RAD51B: variants seen among roughly 807,000 people sequenced by gnomAD.
RAD51B encodes the protein DNA repair protein RAD51 homolog 2.
RAD51B carries 38 observed loss-of-function variants against 42.2 expected under a neutral mutation model. The ratio of observed to expected loss-of-function variants is 0.90; its 90% CI spans 0.70 to 1.18. The LOEUF (loss-of-function observed/expected upper bound fraction) is 1.18, where lower values mean the gene tolerates loss of function less well. Ranked by LOEUF, RAD51B falls within the 50% of genes most tolerant of loss-of-function variation. The pLI is 0.00. For synonymous variants in RAD51B, 154 were observed against 145.2 expected (o/e 1.06, Z -0.43); for missense variants, 373 against 400.7 (o/e 0.93, Z 0.59).
intron 10 of RAD51B, among the ~76,000 whole-genome samples, chr14:68,503,484 C>A (rs1295217511): frequency 6.6e-6 from 1 of 151,266 alleles, no homozygotes; most frequent in Non-Finnish European, 1.5e-5. Flanking sequence ...GAGCGCCTAC[C>A]CACCACTCAC....
chr14:67,864,898 G>A (rs2042274359), intron 4 of RAD51B, 105 bp from the exon 5 acceptor site: 1 of 1,402,118 alleles, frequency 7.1e-7, no homozygotes, highest in South Asian at 1.4e-5. Context: ...TAGTTGGACT[G>A]CATATATGGC....
chr14:68,391,284 A>T (rs929219911), intron 8 of RAD51B, among the ~76,000 whole-genome samples: 1 of 151,538 alleles, frequency 6.6e-6, no homozygotes, highest in Non-Finnish European at 1.5e-5. Context: ...TTGTGTTGTC[A>T]CATATATATC....
chr14:68,623,091 T>C (rs1216099065), intron 10 of RAD51B, among the ~76,000 whole-genome samples: 1 of 152,178 alleles, frequency 6.6e-6, no homozygotes, highest in East Asian at 1.9e-4. Context: ...ACCTTCTTTT[T>C]CTCATAAGAG....
At position 67,868,087 on chromosome 14, in the gene RAD51B, A is replaced by G. The variant is rs2042384690; in HGVS notation, c.452+2948A>G. ...ATGTATTAAAGAGGGAGGAGCCAAG[A>G]TGGCCGAATAGGAACAGCTCTGGTC... On this transcript the variant is annotated intron_variant, in intron 5 of 10. Transcript: ENST00000471583. Among the ~76,000 whole-genome samples the G allele has an allele frequency of 2.6e-5, 4 of 152,226 alleles. No homozygotes were observed. The South Asian group carries it at 8.3e-4, about 31-fold the overall frequency.
At chr14:68,382,336 G>A (rs1247312197) in intron 8 of RAD51B, among the ~76,000 whole-genome samples, 1 of 152,196 alleles carries the variant, frequency 6.6e-6, no homozygotes, top group Non-Finnish European at 1.5e-5. Flanking sequence ...GAAAGGGAGA[G>A]AGAGGAAGAA....
At chr14:68,404,695 C>T (rs1332463275) in intron 8 of RAD51B, among the ~76,000 whole-genome samples, 1 of 152,158 alleles carries the variant, frequency 6.6e-6, no homozygotes, top group Non-Finnish European at 1.5e-5. Flanking sequence ...GGATCAGTTC[C>T]AGGCCACCTG....
At chr14:68,251,262 C>G (rs1049693175) in intron 7 of RAD51B, among the ~76,000 whole-genome samples, 4 of 152,126 alleles carry the variant, frequency 2.6e-5, no homozygotes, top group African/African-American at 9.7e-5. Flanking sequence ...TGGGCTCTGA[C>G]TCTTTGCAAG....
intron 7 of RAD51B, among the ~76,000 whole-genome samples, chr14:67,963,405 T>C: frequency 6.6e-6 from 1 of 152,154 alleles, no homozygotes; most frequent in Non-Finnish European, 1.5e-5. Flanking sequence ...ATGCATCTTT[T>C]CTGTGTATTT....
intron 7 of RAD51B, among the ~76,000 whole-genome samples, chr14:68,145,169 T>A (rs575884639): frequency 1.6e-4 from 25 of 152,314 alleles, no homozygotes; most frequent in African/African-American, 5.8e-4. Flanking sequence ...TAGACCAAGG[T>A]CACACACATG....
At chr14:68,600,070 A>G (rs1422952433), downstream of RAD51B, among the ~76,000 whole-genome samples, 1 of 152,100 alleles carries the variant, frequency 6.6e-6, no homozygotes, top group Non-Finnish European at 1.5e-5. Flanking sequence ...CCCCTACAGG[A>G]CTCCCTGTCC....
chr14:68,425,971 TCTTTCTTC>T lies in RAD51B; in HGVS notation c.957+14448_957+14455del, dbSNP rs1288617868. Reference sequence around the variant, plus strand: ...TTCTTTCTTTCTTTCTTTCTTTCTTTCTTTCTTCCTTCCTTCCTTCCTTCCTTCCTTCC... The same window carrying T: ...TTCTTTCTTTCTTTCTTTCTTTCTTTCTTCCTTCCTTCCTTCCTTCCTTCC... On this transcript the variant is annotated intron_variant, in intron 9 of 10. Coordinates refer to ENST00000471583, the MANE Select transcript of RAD51B (RefSeq NM_133510.4). 3.3e-4 allele frequency among the ~76,000 whole-genome samples: 27 copies of T among 81,798 alleles called. 1 individual carries two copies. The highest frequency in any genetic ancestry group is 6.3e-4 in the Non-Finnish European group (22 of 35,034). The allele number at this position is 81,798 out of a possible 152,430, so 53.7% of individuals were successfully genotyped here. A position where few individuals can be genotyped will look rare whatever the true frequency, so the allele number is the denominator to read the frequency against.
intron 11 of RAD51B, among the ~76,000 whole-genome samples, chr14:68,665,814 G>T (rs1016173063): frequency 6.6e-6 from 1 of 152,178 alleles, no homozygotes; most frequent in African/African-American, 2.4e-5. Context: ...GTTTCTTGGG[G>T]AATCCCACAC....
intron 10 of RAD51B, among the ~76,000 whole-genome samples, chr14:68,630,420 T>A (rs1892199736): frequency 6.6e-6 from 1 of 151,616 alleles, no homozygotes; most frequent in South Asian, 2.1e-4. Flanking sequence ...TCTGGGAAGG[T>A]GTGACCTAGA....
At chr14:68,352,330 A>T (rs146829826) in intron 8 of RAD51B, among the ~76,000 whole-genome samples, 4 of 152,332 alleles carry the variant, frequency 2.6e-5, no homozygotes, top group African/African-American at 9.6e-5. Context: ...TCCTCTGGCC[A>T]GGTCTGATGC....
intron 8 of RAD51B, among the ~76,000 whole-genome samples, chr14:68,308,371 T>G (rs1018080856): frequency 2.6e-5 from 4 of 152,138 alleles, no homozygotes; most frequent in South Asian, 2.1e-4. Flanking sequence ...AGTATTTTCT[T>G]TTGCCAAAGG....
chr14:68,241,694 G>A (rs1184357998), intron 7 of RAD51B, among the ~76,000 whole-genome samples: 3 of 151,598 alleles, frequency 2.0e-5, no homozygotes, highest in Non-Finnish European at 4.4e-5. Flanking sequence ...TAGTTAAAAA[G>A]TAGTTTCTGC....
intron 7 of RAD51B, among the ~76,000 whole-genome samples, chr14:67,939,191 GC>G (rs1399687070): frequency 6.6e-6 from 1 of 152,046 alleles, no homozygotes; most frequent in African/African-American, 2.4e-5. Context: ...TTAGATAAAG[GC>G]TTTACTCTTC....
At chr14:67,833,357 C>T (rs1307500578) in intron 3 of RAD51B, among the ~76,000 whole-genome samples, 1 of 152,088 alleles carries the variant, frequency 6.6e-6, no homozygotes, top group East Asian at 1.9e-4. Flanking sequence ...GCCTGGGTGA[C>T]AGAGTGAGAC....
At chr14:68,658,212 C>A (rs1449855452) in intron 11 of RAD51B, among the ~76,000 whole-genome samples, 2 of 152,226 alleles carry the variant, frequency 1.3e-5, no homozygotes, top group African/African-American at 4.8e-5. Context: ...AGGACAGCCA[C>A]GTCCCTGGCC....
Sources: gnomAD v4.1 joint callset for allele counts (sites outside exome capture counted in the v4.1 genomes callset) on GRCh38, gnomAD v4.1.1 for gene constraint, MANE v1.5 for transcripts, NCBI Gene and HGNC (gene_info 2026-07-23, HGNC 2026-07-21) for gene names.